The following MDM4 variants were observed in gnomAD, a reference collection of about 807,000 sequenced individuals.
MDM4 encodes the protein MDM4 regulator of p53.
MDM4 carries 2 observed loss-of-function variants against 60.2 expected under a neutral mutation model. The ratio of observed to expected loss-of-function variants is 0.03; its 90% CI spans 0.01 to 0.10. The LOEUF (loss-of-function observed/expected upper bound fraction) is 0.10, where lower values mean the gene tolerates loss of function less well. Among genes scored for constraint, MDM4 ranks in the 10% least tolerant of loss-of-function variants. The pLI is 1.00. For missense variants in MDM4, 447 were observed against 577.5 expected, an observed-to-expected ratio of 0.77 and a Z score of 2.32; for synonymous variants, 202 against 198.1, an observed-to-expected ratio of 1.02 and a Z score of -0.17.
rs1408075446 is a variant in MDM4 at position 204,538,944 on chromosome 1, A to C, written c.511+636A>C. ...GAGTGCAATGGTGTGATCTCAGCTC[A>C]CCGCAGCCTCCGCCTCCCAGGTTCA... On this transcript the variant is annotated intron_variant, in intron 7 of 10. Coordinates refer to ENST00000367182, the MANE Select transcript of MDM4 (RefSeq NM_002393.5). Among the ~76,000 whole-genome samples the C allele has an allele frequency of 4.2e-5, 6 of 143,900 alleles. No individual in the cohort carries two copies. In the East Asian group the frequency reaches 1.2e-3, roughly 30 times the overall value. 94.4% of individuals were successfully genotyped at this position (143,900 alleles called of 152,430 possible).
intron 3 of MDM4, among the ~76,000 whole-genome samples, chr1:204,530,390 CTG>C (rs1265817196): frequency 6.6e-6 from 1 of 152,086 alleles, no homozygotes; most frequent in Non-Finnish European, 1.5e-5. Context: ...ATTTGGACGT[CTG>C]AGAAAATTTT....
Position 204,556,786 on chromosome 1 carries a change from GTTTC to G in MDM4, c.*7108_*7111del, listed in dbSNP as rs752112790. 2.3e-5 allele frequency: 5 copies of G among 214,138 alleles called. No individual in the cohort carries two copies. The highest frequency in any genetic ancestry group is 3.8e-5 in the Non-Finnish European group (4 of 106,134). The allele number at this position is 214,138 out of a possible 1,614,324, so 13.3% of individuals were successfully genotyped here. A position where few individuals can be genotyped will look rare whatever the true frequency, so the allele number is the denominator to read the frequency against. On this transcript the variant is annotated 3_prime_UTR_variant, in exon 11 of 11. Transcript: ENST00000367182. ...CTTTCTTTTCAATGAGAATCGAAGTGTTTCTTTTGGGTTTTTTTTTCCCCCTTTT... is the reference window on the plus strand; with the variant it reads ...CTTTCTTTTCAATGAGAATCGAAGTGTTTTGGGTTTTTTTTTCCCCCTTTT...
chr1:204,532,650 G>A (rs1660985942), intron 5 of MDM4: 4 of 950,648 alleles, frequency 4.2e-6, no homozygotes, highest in Non-Finnish European at 1.6e-6. Flanking sequence ...TTGTATTTTT[G>A]TCTTACTTGA....
intron 3 of MDM4, chr1:204,529,449 T>A (rs1660618287): frequency 1.3e-6 from 2 of 1,514,042 alleles, no homozygotes; most frequent in East Asian, 2.3e-5. Context: ...AGCTGTACCA[T>A]CATTTGGTCC....
intron 1 of MDM4, among the ~76,000 whole-genome samples, chr1:204,522,395 G>A (rs545992815): frequency 5.3e-5 from 6 of 113,414 alleles, no homozygotes; most frequent in African/African-American, 1.9e-4. Flanking sequence ...TAAAAGCCAG[G>A]TTTTAAATTT....
chr1:204,544,576 G>C lies in MDM4; in HGVS notation c.714G>C (p.Leu238Phe). The change falls in exon 9 of 11, where the codon TTG (leucine) becomes TTC (phenylalanine). Residue 238 changes from leucine (L) to phenylalanine (F), a missense_variant. Transcript: ENST00000367182. ...TAIVSDTTDDLWFLNESVSEQ... is the reference protein window; with the variant it reads ...TAIVSDTTDDFWFLNESVSEQ... ...TTGTTTCAGATACTACAGATGACTT[G>C]TGGTTTTTGAATGAGTCAGTATCAG... 6 of 1,613,562 alleles carry C rather than the reference G, an allele frequency of 3.7e-6. No individual in the cohort carries two copies. Among genetic ancestry groups the C allele is most frequent in the Non-Finnish European group, 5.1e-6 (6 of 1,179,694 alleles).
At position 204,532,211 on chromosome 1, in the gene MDM4, G is replaced by C. The variant is rs1196101375; in HGVS notation, c.308G>C (p.Arg103Thr). The change falls in exon 5 of 11, where the codon AGA becomes ACA. Residue 103 changes from arginine (R) to threonine (T), a missense_variant. Transcript: ENST00000367182. ...KDPSPLYDML[R>T]KNLVTLATAT... ...AACAGCCCTCTCTATGATATGCTAAGAAAGAATCTTGTCACTTTAGCCACT... is the reference window on the plus strand; with the variant it reads ...AACAGCCCTCTCTATGATATGCTAACAAAGAATCTTGTCACTTTAGCCACT... 6.2e-7 allele frequency: 1 copy of C among 1,602,196 alleles called. No individual in the cohort carries two copies. The highest frequency in any genetic ancestry group is 1.3e-5 in the African/African-American group (1 of 74,664).
chr1:204,544,417 C>T, intron 8 of MDM4, 118 bp from the exon 9 acceptor site: 1 of 961,400 alleles, frequency 1.0e-6, no homozygotes, highest in Non-Finnish European at 1.5e-6. Context: ...TGAATAAAGG[C>T]AAGATGTTCT....
In MDM4 at chr1:204,551,469, T is replaced by G. The variant is rs1169142598; in HGVS notation, c.*1787T>G. Reference sequence around the variant, plus strand: ...TGGTTGAGAGGCAGCCTCTTTTTTTTTTTTTTTTTTTTTTTTTTTTTGGAG... The same window carrying G: ...TGGTTGAGAGGCAGCCTCTTTTTTTGTTTTTTTTTTTTTTTTTTTTTGGAG... On this transcript the variant is annotated 3_prime_UTR_variant, in exon 11 of 11. Coordinates refer to ENST00000367182, the MANE Select transcript of MDM4 (RefSeq NM_002393.5). The G allele has an allele frequency of 1.4e-3, 184 of 135,816 alleles. 1 individual carries two copies. The highest frequency in any genetic ancestry group is 2.3e-3 in the Non-Finnish European group (154 of 66,076). The allele number at this position is 135,816 out of a possible 1,614,324, so 8.4% of individuals were successfully genotyped here. A position where few individuals can be genotyped will look rare whatever the true frequency, so the allele number is the denominator to read the frequency against.
chr1:204,516,951 T>C (rs1659038529), intron 1 of MDM4, among the ~76,000 whole-genome samples: 1 of 152,262 alleles, frequency 6.6e-6, no homozygotes, highest in South Asian at 2.1e-4. Flanking sequence ...TTGAAAATGC[T>C]TGTTTTGGCT....
At chr1:204,536,093 C>G (rs1223168116) in intron 5 of MDM4, among the ~76,000 whole-genome samples, 1 of 152,086 alleles carries the variant, frequency 6.6e-6, no homozygotes, top group Non-Finnish European at 1.5e-5. Context: ...AATCCTGTCT[C>G]TACTAAAAAT....
chr1:204,539,660 C>T (rs1310477653), intron 7 of MDM4, among the ~76,000 whole-genome samples: 3 of 151,678 alleles, frequency 2.0e-5, no homozygotes, highest in African/African-American at 7.3e-5. Context: ...CCTCAGCCTC[C>T]TAAGTAGCTG....
intron 8 of MDM4, among the ~76,000 whole-genome samples, chr1:204,543,867 GTAT>G (rs1662380403): frequency 2.0e-5 from 3 of 152,176 alleles, no homozygotes; most frequent in Non-Finnish European, 4.4e-5. Context: ...CAGGGCTTTT[GTAT>G]TATTCACTAC....
chr1:204,548,509 A>C (rs965931986), intron 10 of MDM4, among the ~76,000 whole-genome samples: 37 of 152,312 alleles, frequency 2.4e-4, no homozygotes, highest in Admixed American at 2.2e-3. Context: ...ATTGAGATCT[A>C]GTGTCTCCTA....
In MDM4 at chr1:204,528,074, AT is replaced by A. The variant is rs11440400; in HGVS notation, c.153+1658del. On this transcript the variant is annotated intron_variant, in intron 3 of 10. Transcript: ENST00000367182. The stretch of plus-strand genomic sequence containing the variant: ...TTCCCCAAACTTATTAAAGTCTGGA[AT>A]TTTTTTTTTTTTTTTTTAGTTTTAT... Among the ~76,000 whole-genome samples, 347 of 140,332 alleles carry A rather than the reference AT, an allele frequency of 2.5e-3. 1 individual carries two copies. The highest frequency in any genetic ancestry group is 4.9e-3 in the East Asian group (24 of 4,880). The allele number at this position is 140,332 out of a possible 152,430, so 92.1% of individuals were successfully genotyped here.
rs1052229532 is a variant in MDM4, at chr1:204,553,302, A to G, written c.*3620A>G. On this transcript the variant is annotated 3_prime_UTR_variant, in exon 11 of 11. Coordinates refer to ENST00000367182, the MANE Select transcript of MDM4 (RefSeq NM_002393.5). The stretch of plus-strand genomic sequence containing the variant: ...TGTGAAGTGTTCAGAGTTTACTGCT[A>G]TAAGGAAACTTCCAAATACTGACAT... 7.5e-5 allele frequency: 16 copies of G among 213,964 alleles called. No individual in the cohort carries two copies. The highest frequency in any genetic ancestry group is 1.0e-4 in the Non-Finnish European group (11 of 105,662). 13.3% of individuals were successfully genotyped at this position (213,964 alleles called of 1,614,324 possible). A position where few individuals can be genotyped will look rare whatever the true frequency, so the allele number is the denominator to read the frequency against.
At chr1:204,520,539 C>T (rs778369915) in intron 1 of MDM4, among the ~76,000 whole-genome samples, 24 of 151,906 alleles carry the variant, frequency 1.6e-4, no homozygotes, top group Non-Finnish European at 2.8e-4. Context: ...GGGATATTAT[C>T]GTTAAATATA....
chr1:204,521,893 AGGTT>A (rs1659605866), intron 1 of MDM4, among the ~76,000 whole-genome samples: 2 of 152,174 alleles, frequency 1.3e-5, no homozygotes, highest in South Asian at 4.1e-4. Context: ...GTTGGTAAAA[AGGTT>A]GGTAGGGAAA....
intron 5 of MDM4, among the ~76,000 whole-genome samples, chr1:204,533,472 T>G (rs1000493322): frequency 9.2e-5 from 14 of 152,148 alleles, no homozygotes; most frequent in African/African-American, 3.4e-4. Context: ...TTCTCCCACC[T>G]CAGCCTCCCG....
Sources: gnomAD v4.1 joint callset for allele counts (sites outside exome capture counted in the v4.1 genomes callset) on GRCh38, gnomAD v4.1.1 for gene constraint, MANE v1.5 for transcripts, NCBI Gene and HGNC (gene_info 2026-07-23, HGNC 2026-07-21) for gene names.